The following APBB2 variants were observed in gnomAD, a reference collection of about 807,000 sequenced individuals.
APBB2 encodes the protein amyloid beta precursor protein binding family B member 2.
APBB2 carries 38 observed loss-of-function variants against 82.5 expected under a neutral mutation model. The ratio of observed to expected loss-of-function variants is 0.46; its 90% CI spans 0.36 to 0.60. APBB2 has a LOEUF of 0.60. Ranked by LOEUF, APBB2 falls within the 20% of genes least tolerant of loss-of-function variation. The pLI is 0.00. For missense variants in APBB2, 772 were observed against 972.3 expected (o/e 0.79, Z 2.74); for synonymous variants, 341 against 368.2 (o/e 0.93, Z 0.85).
At chr4:41,076,165 T>C (rs1378719722) in intron 3 of APBB2, among the ~76,000 whole-genome samples, 1 of 152,098 alleles carries the variant, frequency 6.6e-6, no homozygotes, top group Non-Finnish European at 1.5e-5. Context: ...AGACAAAACA[T>C]AAACGTCTAT....
At chr4:41,035,747 T>C (rs1025553071) in intron 4 of APBB2, among the ~76,000 whole-genome samples, 2 of 152,236 alleles carry the variant, frequency 1.3e-5, no homozygotes, top group Admixed American at 6.5e-5. Flanking sequence ...CCTGTGATGG[T>C]TGCATCTGTA....
At chr4:41,090,360 C>T (rs1166994300) in intron 3 of APBB2, among the ~76,000 whole-genome samples, 1 of 152,142 alleles carries the variant, frequency 6.6e-6, no homozygotes, top group Admixed American at 6.5e-5. Flanking sequence ...TAAACACTAC[C>T]CATCATCATG....
intron 3 of APBB2, among the ~76,000 whole-genome samples, chr4:41,079,978 C>T (rs1361426560): frequency 2.0e-5 from 3 of 152,178 alleles, no homozygotes; most frequent in Non-Finnish European, 4.4e-5. Flanking sequence ...CCACTGTTTG[C>T]GTGTGGCCAG....
chr4:40,984,136 A>T (rs746585063), intron 6 of APBB2, among the ~76,000 whole-genome samples: 13 of 152,156 alleles, frequency 8.5e-5, no homozygotes, highest in Non-Finnish European at 1.8e-4. Context: ...GAGGTTTGGA[A>T]GCTGAGGGCT....
At chr4:40,999,478 C>T (rs917433756) in intron 6 of APBB2, among the ~76,000 whole-genome samples, 1 of 152,096 alleles carries the variant, frequency 6.6e-6, no homozygotes, top group South Asian at 2.1e-4. Flanking sequence ...GAAGAATGTC[C>T]TGGGCACTGT....
Position 41,152,467 on chromosome 4 carries a change from C to T in APBB2, c.-416-9325G>A, listed in dbSNP as rs1234123025. Among the ~76,000 whole-genome samples the T allele has an allele frequency of 2.6e-5, 4 of 151,992 alleles. No individual in the cohort carries two copies. In the South Asian group the frequency reaches 6.2e-4, roughly 24 times the overall value. On this transcript the variant is annotated intron_variant, in intron 1 of 17. Coordinates refer to ENST00000508593, the MANE Select transcript of APBB2 (RefSeq NM_004307.2). ...CCTCCCGAGTAGCTGGGACTACAGG[C>T]GCCCACCACCAACCATGTCCGGCTA...
intron 7 of APBB2, 89 bp downstream of exon 7, chr4:40,944,776 T>A: frequency 7.8e-7 from 1 of 1,282,416 alleles, no homozygotes; most frequent in Non-Finnish European, 1.1e-6. Flanking sequence ...CTTACCTTGA[T>A]GACCTGTTGG....
At chr4:40,898,739 G>A (rs1017307873) in intron 10 of APBB2, among the ~76,000 whole-genome samples, 11 of 151,830 alleles carry the variant, frequency 7.2e-5, no homozygotes, top group African/African-American at 2.7e-4. Context: ...CGGGCATGGT[G>A]GCTCATGCTT....
intron 1 of APBB2, among the ~76,000 whole-genome samples, chr4:41,203,162 T>C (rs1203667273): frequency 6.6e-6 from 1 of 151,910 alleles, no homozygotes; most frequent in East Asian, 1.9e-4. Flanking sequence ...TCACTTTATT[T>C]TTGTTTCTTA....
In APBB2 at chr4:41,040,253, G is replaced by A. The variant is rs556588900; in HGVS notation, c.-50-6949C>T. ...CTTTTAAAGTAGACATTGCATTCCA[G>A]GCTTAGATCTATCTACAAAAACATA... On this transcript the variant is annotated intron_variant, in intron 4 of 17. Transcript: ENST00000508593. Among the ~76,000 whole-genome samples, 15 of 152,228 alleles carry A rather than the reference G, an allele frequency of 9.9e-5. No homozygotes were observed. In the East Asian group the frequency reaches 2.7e-3, roughly 27 times the overall value.
chr4:40,999,904 A>C (rs78773287), intron 6 of APBB2, among the ~76,000 whole-genome samples: 1 of 151,956 alleles, frequency 6.6e-6, no homozygotes, highest in East Asian at 1.9e-4. Flanking sequence ...GGGGCTTAAC[A>C]AAAAAAAGGC....
intron 10 of APBB2, among the ~76,000 whole-genome samples, chr4:40,932,858 A>C (rs1306026512): frequency 6.6e-6 from 1 of 151,622 alleles, no homozygotes; most frequent in Non-Finnish European, 1.5e-5. Context: ...TGGCTTGTTA[A>C]GATGTTTTGT....
intron 5 of APBB2, among the ~76,000 whole-genome samples, chr4:41,027,370 T>C (rs1181736230): frequency 2.1e-3 from 39 of 18,956 alleles, no homozygotes; most frequent in African/African-American, 8.2e-3. Flanking sequence ...GTTACATATA[T>C]ATATATATAT....
intron 10 of APBB2, among the ~76,000 whole-genome samples, chr4:40,907,230 A>G (rs570971269): frequency 2.0e-5 from 3 of 151,440 alleles, no homozygotes; most frequent in Non-Finnish European, 2.9e-5. Flanking sequence ...CTAACCCCCA[A>G]TGTGACTGTA....
chr4:40,957,800 T>A (rs1792079828), intron 6 of APBB2, among the ~76,000 whole-genome samples: 1 of 152,060 alleles, frequency 6.6e-6, no homozygotes, highest in South Asian at 2.1e-4. Context: ...GCCAGGCTGG[T>A]CTCGAACTCC....
intron 12 of APBB2, among the ~76,000 whole-genome samples, chr4:40,866,723 TTA>T (rs1481807416): frequency 6.6e-6 from 1 of 152,134 alleles, no homozygotes; most frequent in Non-Finnish European, 1.5e-5. Context: ...TTTTATTATT[TTA>T]TTTTATTTTT....
At chr4:41,030,102 G>T (rs1287458604) in intron 5 of APBB2, among the ~76,000 whole-genome samples, 2 of 152,134 alleles carry the variant, frequency 1.3e-5, no homozygotes, top group East Asian at 1.9e-4. Flanking sequence ...GTTGCAGTGA[G>T]CTGAGGTCGC....
intron 12 of APBB2, among the ~76,000 whole-genome samples, chr4:40,885,100 G>A (rs923628068): frequency 6.6e-6 from 1 of 152,192 alleles, no homozygotes; most frequent in African/African-American, 2.4e-5. Flanking sequence ...CTGAATAAGA[G>A]AGCACTGTTT....
Position 40,872,786 on chromosome 4 carries a change from T to TA in APBB2, c.1529+17577dup, listed in dbSNP as rs1184469936. On this transcript the variant is annotated intron_variant, in intron 12 of 17. Transcript: ENST00000508593. ...CTGGTTAAATTATAATGATAAAGGTTAAAAAAAAAAAAGATGGCGCCGGGT... is the reference window on the plus strand; with the variant it reads ...CTGGTTAAATTATAATGATAAAGGTTAAAAAAAAAAAAAGATGGCGCCGGGT... 5.2e-3 allele frequency among the ~76,000 whole-genome samples: 751 copies of TA among 143,694 alleles called. 2 individuals carry two copies. The highest frequency in any genetic ancestry group is 0.014 in the African/African-American group (553 of 39,404). The allele number at this position is 143,694 out of a possible 152,430, so 94.3% of individuals were successfully genotyped here.
Sources: gnomAD v4.1 joint callset for allele counts (sites outside exome capture counted in the v4.1 genomes callset) on GRCh38, gnomAD v4.1.1 for gene constraint, MANE v1.5 for transcripts, NCBI Gene and HGNC (gene_info 2026-07-23, HGNC 2026-07-21) for gene names.